DOCK1: variants seen among roughly 807,000 people sequenced by gnomAD.
The protein encoded by DOCK1 is dedicator of cytokinesis protein 1.
In DOCK1, 138 loss-of-function variants were observed where a neutral mutation model predicts 262.7. The observed-to-expected ratio is 0.53, with a 90% confidence interval of 0.46 to 0.61. The LOEUF (loss-of-function observed/expected upper bound fraction) is 0.61, where lower values mean the gene tolerates loss of function less well. DOCK1 is among the 20% of genes least tolerant of loss of function. The probability of loss-of-function intolerance (pLI) is 0.00; values close to 1 mark genes in which losing one functional copy is unlikely to be tolerated. For missense variants in DOCK1, 1,908 were observed against 2,370.7 expected (o/e 0.80, Z 4.05); for synonymous variants, 866 against 867.4 (o/e 1.00, Z 0.03).
intron 16 of DOCK1, among the ~76,000 whole-genome samples, chr10:127,028,084 G>A (rs991838854): frequency 6.6e-6 from 1 of 151,882 alleles, no homozygotes; most frequent in Non-Finnish European, 1.5e-5. Context: ...GGTGGGTGGT[G>A]GCTGGCAGCT....
chr10:127,409,619 T>C (rs751123961), intron 42 of DOCK1, among the ~76,000 whole-genome samples: 2 of 152,138 alleles, frequency 1.3e-5, no homozygotes, highest in African/African-American at 2.4e-5. Context: ...CCTATTCCTT[T>C]CCCAAAGTCA....
intron 38 of DOCK1, among the ~76,000 whole-genome samples, chr10:127,388,210 G>C (rs184874644): frequency 1.3e-5 from 2 of 152,346 alleles, no homozygotes; most frequent in Non-Finnish European, 2.9e-5. Context: ...TGTTTTGGTG[G>C]AGACAGAACA....
At chr10:127,015,701 C>T (rs1376910524) in intron 12 of DOCK1, among the ~76,000 whole-genome samples, 5 of 152,208 alleles carry the variant, frequency 3.3e-5, no homozygotes, top group African/African-American at 1.2e-4. Context: ...CTCTCCCACC[C>T]TCCATAGTGG....
At chr10:127,295,065 G>A (rs2061462037) in intron 29 of DOCK1, among the ~76,000 whole-genome samples, 1 of 152,122 alleles carries the variant, frequency 6.6e-6, no homozygotes, top group Admixed American at 6.6e-5. Flanking sequence ...TAAGTTTTCA[G>A]CCTGGGCAAC....
At chr10:126,945,636 A>G (rs1259612906) in intron 1 of DOCK1, among the ~76,000 whole-genome samples, 7 of 152,178 alleles carry the variant, frequency 4.6e-5, no homozygotes, top group African/African-American at 1.4e-4. Flanking sequence ...CTTTTAGGAA[A>G]TGAATGGAGT....
intron 10 of DOCK1, 111 bp downstream of exon 10, chr10:127,000,418 T>A: frequency 7.1e-7 from 1 of 1,414,496 alleles, no homozygotes; most frequent in Non-Finnish European, 9.4e-7. Context: ...TTATAAGCTT[T>A]TCTGCTGGAG....
At chr10:127,326,146 A>T (rs1305382079) in intron 29 of DOCK1, among the ~76,000 whole-genome samples, 8 of 152,168 alleles carry the variant, frequency 5.3e-5, no homozygotes, top group African/African-American at 1.7e-4. Context: ...ACTGATCAGG[A>T]TGGTGGTTGC....
chr10:127,131,638 G>A (rs2050332560), intron 27 of DOCK1, among the ~76,000 whole-genome samples: 1 of 150,272 alleles, frequency 6.7e-6, no homozygotes, highest in South Asian at 2.2e-4. Context: ...CTTCCAATTT[G>A]CATCAAATGT....
intron 37 of DOCK1, among the ~76,000 whole-genome samples, chr10:127,382,447 G>A (rs1038304087): frequency 3.2e-4 from 48 of 152,194 alleles, no homozygotes; most frequent in African/African-American, 1.1e-3. Flanking sequence ...AGCAGTGTCT[G>A]TTACAAATAA....
intron 28 of DOCK1, among the ~76,000 whole-genome samples, chr10:127,256,460 G>T (rs1316504): frequency 6.6e-6 from 1 of 152,088 alleles, no homozygotes; most frequent in African/African-American, 2.4e-5. Flanking sequence ...GACAGTTCTC[G>T]GTTGTCTTTT....
chr10:127,001,353 A>G (rs1274556732), intron 10 of DOCK1: 1 of 152,196 alleles, frequency 6.6e-6, no homozygotes, highest in Non-Finnish European at 1.5e-5. Flanking sequence ...TGAACAGAAA[A>G]TACAGACAGT....
chr10:127,398,146 G>A (rs574567477), intron 38 of DOCK1, among the ~76,000 whole-genome samples: 1 of 152,310 alleles, frequency 6.6e-6, no homozygotes, highest in African/African-American at 2.4e-5. Context: ...CGTCTTTGCT[G>A]GTGCAGGGAA....
chr10:126,992,270 C>G lies in DOCK1; in HGVS notation c.473+1667C>G, dbSNP rs79497813. 9.4e-3 allele frequency among the ~76,000 whole-genome samples: 1,436 copies of G among 152,182 alleles called. 22 individuals are homozygous for G. Among genetic ancestry groups the G allele is most frequent in the African/African-American group, 0.031 (1,289 of 41,514 alleles). On this transcript the variant is annotated intron_variant, in intron 6 of 51. Transcript: ENST00000623213. Reference sequence around the variant, plus strand: ...CATAATTTAAACTTATGTTCAGAGACCACCTGCTTAATTTGGCTGCAGGAA... The same window carrying G: ...CATAATTTAAACTTATGTTCAGAGAGCACCTGCTTAATTTGGCTGCAGGAA...
chr10:127,261,223 G>A lies in DOCK1; in HGVS notation c.3044+3794G>A, dbSNP rs529983997. 3.4e-5 allele frequency among the ~76,000 whole-genome samples: 2 copies of A among 59,320 alleles called. 1 individual carries two copies. Among genetic ancestry groups the A allele is most frequent in the East Asian group, 1.2e-3 (2 of 1,624 alleles). 38.9% of individuals were successfully genotyped at this position (59,320 alleles called of 152,430 possible). A position where few individuals can be genotyped will look rare whatever the true frequency, so the allele number is the denominator to read the frequency against. The stretch of plus-strand genomic sequence containing the variant: ...TGTGTGTACCTGCATGTGTGTGCAT[G>A]TGGGTGTGCGTGTGTGTACCTGCAT... On this transcript the variant is annotated intron_variant, in intron 29 of 51. Coordinates refer to ENST00000623213, the MANE Select transcript of DOCK1 (RefSeq NM_001290223.2).
intron 10 of DOCK1, 34 bp downstream of exon 10, chr10:127,000,341 C>T: frequency 1.2e-6 from 2 of 1,603,918 alleles, no homozygotes; most frequent in Admixed American, 1.7e-5. Context: ...TTGAGAGTTT[C>T]AGATCTTCAC....
At chr10:127,260,948 C>T (rs545040713) in intron 29 of DOCK1, among the ~76,000 whole-genome samples, 1 of 97,698 alleles carries the variant, frequency 1.0e-5, no homozygotes, top group East Asian at 3.4e-4. Flanking sequence ...TACCCGTGCT[C>T]ATCTGTGTGT....
intron 23 of DOCK1, among the ~76,000 whole-genome samples, chr10:127,092,008 G>A (rs992907416): frequency 6.6e-6 from 1 of 152,186 alleles, no homozygotes; most frequent in African/African-American, 2.4e-5. Flanking sequence ...GTCTAGATTT[G>A]TACTGCCCTA....
chr10:126,996,601 T>A, intron 6 of DOCK1, 147 bp from the exon 7 acceptor site: 1 of 568,114 alleles, frequency 1.8e-6, no homozygotes, highest in Non-Finnish European at 2.7e-6. Flanking sequence ...GAAAGCAGCC[T>A]CCAAGAATTT....
rs5788842 is a variant in DOCK1, at chr10:127,437,478, CT to C, written c.5061-1528del. Among the ~76,000 whole-genome samples the C allele has an allele frequency of 5.5e-3, 802 of 145,884 alleles. 6 individuals are homozygous for C. The highest frequency in any genetic ancestry group is 0.018 in the Middle Eastern group (5 of 274). On this transcript the variant is annotated intron_variant, in intron 48 of 51. Transcript: ENST00000623213. This position sits in a 1 kb window ranked among gnomAD's most constrained non-coding sequence, Gnocchi z 4.4. ...GGAGCAAGATTGCTGCAATGACCAT[CT>C]TTTTTTTTTTTTTTTTTTTTGAGAC... is the stretch of plus-strand genomic sequence containing the variant.
Sources: allele counts gnomAD v4.1 joint callset (sites outside exome capture counted in the v4.1 genomes callset), GRCh38; gene constraint gnomAD v4.1.1; non-coding constraint Gnocchi (gnomAD v3.1); transcripts MANE v1.5; gene names NCBI Gene and HGNC (gene_info 2026-07-23, HGNC 2026-07-21).